The following PLPPR1 variants were observed in gnomAD, a reference collection of about 807,000 sequenced individuals.
The protein encoded by PLPPR1 is phospholipid phosphatase-related protein type 1.
PLPPR1 carries 10 observed loss-of-function variants against 33.1 expected under a neutral mutation model. That is an observed-to-expected ratio of 0.30 (90% CI 0.19 to 0.51). The LOEUF (loss-of-function observed/expected upper bound fraction) is 0.51, where lower values mean the gene tolerates loss of function less well. PLPPR1 is among the 20% of genes least tolerant of loss of function. PLPPR1 has a pLI of 0.97. For missense variants in PLPPR1, 304 were observed against 408.1 expected, an observed-to-expected ratio of 0.74 and a Z score of 2.20; for synonymous variants, 151 against 151.0, an observed-to-expected ratio of 1.00 and a Z score of 0.00.
chr9:101,312,774 TC>T, intron 5 of PLPPR1, 23 bp from the exon 6 acceptor site: 1 of 1,609,958 alleles, frequency 6.2e-7, no homozygotes, highest in Non-Finnish European at 8.5e-7. Context: ...GCCTGGTCAC[TC>T]CCTGGCCTCT....
At chr9:101,304,689 C>T (rs995058664) in intron 4 of PLPPR1, among the ~76,000 whole-genome samples, 2 of 152,178 alleles carry the variant, frequency 1.3e-5, no homozygotes, top group South Asian at 2.1e-4. Flanking sequence ...GTGTGACTTG[C>T]TCTTGGCCAA....
intron 1 of PLPPR1, among the ~76,000 whole-genome samples, chr9:101,179,071 A>G (rs2118703834): frequency 6.6e-6 from 1 of 152,334 alleles, no homozygotes; most frequent in Non-Finnish European, 1.5e-5. Flanking sequence ...ATTGGCTGGG[A>G]TAATAGACCT....
chr9:101,130,192 A>G (rs998402212), intron 1 of PLPPR1, among the ~76,000 whole-genome samples: 1 of 152,292 alleles, frequency 6.6e-6, no homozygotes, highest in South Asian at 2.1e-4. Context: ...AAGCTGGGGG[A>G]AAAAGCAAAA....
At chr9:101,225,693 G>A (rs1483299177) in intron 2 of PLPPR1, among the ~76,000 whole-genome samples, 2 of 151,984 alleles carry the variant, frequency 1.3e-5, no homozygotes, top group African/African-American at 4.8e-5. Flanking sequence ...CACTCTTGGA[G>A]GCTTCATACA....
At chr9:101,159,304 T>G (rs967540845) in intron 1 of PLPPR1, among the ~76,000 whole-genome samples, 4 of 152,228 alleles carry the variant, frequency 2.6e-5, no homozygotes, top group Admixed American at 2.6e-4. Context: ...AAATTTATAC[T>G]ATTTTGAGTT....
chr9:101,178,172 G>T (rs1826045292), intron 1 of PLPPR1, among the ~76,000 whole-genome samples: 1 of 152,146 alleles, frequency 6.6e-6, no homozygotes, highest in South Asian at 2.1e-4. Context: ...TCTTTCCCCA[G>T]CCACCCATGT....
intron 1 of PLPPR1, among the ~76,000 whole-genome samples, chr9:101,057,789 T>G (rs183048476): frequency 5.3e-5 from 8 of 152,328 alleles, no homozygotes; most frequent in Admixed American, 5.2e-4. Context: ...CTAGGTTATA[T>G]TCTTTTCTAT....
chr9:101,110,961 G>A (rs868225230), intron 1 of PLPPR1, among the ~76,000 whole-genome samples: 6 of 152,166 alleles, frequency 3.9e-5, no homozygotes, highest in Admixed American at 6.5e-5. Flanking sequence ...GCTAATAATC[G>A]TGAAGAATTG....
intron 1 of PLPPR1, among the ~76,000 whole-genome samples, chr9:101,124,369 A>C (rs1239068854): frequency 2.6e-5 from 4 of 152,162 alleles, no homozygotes; most frequent in African/African-American, 7.2e-5. Context: ...GGGTAGAGAG[A>C]AGCTCAGTCA....
At chr9:101,146,742 T>C (rs1056800375) in intron 1 of PLPPR1, among the ~76,000 whole-genome samples, 1 of 152,202 alleles carries the variant, frequency 6.6e-6, no homozygotes, top group Non-Finnish European at 1.5e-5. Context: ...GTACATTGCC[T>C]GAGTTCTCAG....
At position 101,324,180 on chromosome 9, in the gene PLPPR1, G is replaced by A; in HGVS notation, c.*123G>A. 2 of 686,000 alleles carry A rather than the reference G, an allele frequency of 2.9e-6. No homozygotes were observed. Among genetic ancestry groups the A allele is most frequent in the South Asian group, 4.9e-5 (2 of 40,548 alleles). 42.5% of individuals were successfully genotyped at this position (686,000 alleles called of 1,614,324 possible). On this transcript the variant is annotated 3_prime_UTR_variant, in exon 8 of 8. Transcript: ENST00000374874. ...TACGTTTATCTAGTTAGAAGCTAAT[G>A]TTTTGTACATTTTTTGTATGAGGAA...
At chr9:101,086,356 A>G (rs1394033805) in intron 1 of PLPPR1, among the ~76,000 whole-genome samples, 1 of 152,170 alleles carries the variant, frequency 6.6e-6, no homozygotes, top group Non-Finnish European at 1.5e-5. Context: ...ATCTCAGCCA[A>G]TCTGTCAGGG....
intron 1 of PLPPR1, among the ~76,000 whole-genome samples, chr9:101,164,685 T>A (rs58320013): frequency 0.046 from 6,957 of 152,206 alleles, 564 homozygotes; most frequent in African/African-American, 0.16. Flanking sequence ...TGCTGTTTTT[T>A]TTCATTCCCG....
chr9:101,310,953 CA>C (rs1459049483), intron 5 of PLPPR1, among the ~76,000 whole-genome samples: 1 of 152,094 alleles, frequency 6.6e-6, no homozygotes, highest in Non-Finnish European at 1.5e-5. Flanking sequence ...AAAACAAAAC[CA>C]AACCAAAAAA....
chr9:101,092,672 C>T, intron 1 of PLPPR1, among the ~76,000 whole-genome samples: 1 of 152,100 alleles, frequency 6.6e-6, no homozygotes, highest in Non-Finnish European at 1.5e-5. Context: ...TGCTTATCCT[C>T]CAGATCTCGG....
intron 1 of PLPPR1, among the ~76,000 whole-genome samples, chr9:101,113,652 A>C (rs1041770644): frequency 6.6e-6 from 1 of 152,152 alleles, no homozygotes; most frequent in African/African-American, 2.4e-5. Context: ...AAAACAAAAA[A>C]CAAAAAAACC....
intron 1 of PLPPR1, among the ~76,000 whole-genome samples, chr9:101,050,661 CAGTGG>C (rs1830211695): frequency 6.6e-6 from 1 of 152,200 alleles, no homozygotes; most frequent in Admixed American, 6.5e-5. Context: ...TGAAATTACA[CAGTGG>C]ATTTTGTCTT....
chr9:101,302,786 G>A (rs994143240), intron 4 of PLPPR1, among the ~76,000 whole-genome samples: 5 of 152,222 alleles, frequency 3.3e-5, no homozygotes, highest in Non-Finnish European at 5.9e-5. Flanking sequence ...GGGAGGGCAC[G>A]TTTTCTCATT....
At chr9:101,113,444 G>T (rs1411169661) in intron 1 of PLPPR1, among the ~76,000 whole-genome samples, 1 of 151,976 alleles carries the variant, frequency 6.6e-6, no homozygotes, top group Non-Finnish European at 1.5e-5. Flanking sequence ...TAATTTTTCT[G>T]CAGGAAATAG....
Sources: allele counts gnomAD v4.1 joint callset (sites outside exome capture counted in the v4.1 genomes callset), GRCh38; gene constraint gnomAD v4.1.1; transcripts MANE v1.5; gene names NCBI Gene and HGNC (gene_info 2026-07-23, HGNC 2026-07-21).